The following STAG1 variants were observed in gnomAD, a reference collection of about 807,000 sequenced individuals.
The protein encoded by STAG1 is cohesin subunit SA-1.
A neutral mutation model predicts 170.9 loss-of-function variants in STAG1; 26 were observed. The observed-to-expected ratio is 0.15, with a 90% CI of 0.11 to 0.21. STAG1 has a LOEUF of 0.21. Ranked by LOEUF, STAG1 falls within the 10% of genes least tolerant of loss-of-function variation. The pLI is 1.00. For missense variants in STAG1, 964 were observed against 1,509.5 expected (o/e 0.64, Z 5.99); for synonymous variants, 514 against 497.7 (o/e 1.03, Z -0.44).
At chr3:136,562,471 G>A (rs1936885568) in intron 5 of STAG1, among the ~76,000 whole-genome samples, 1 of 146,186 alleles carries the variant, frequency 6.8e-6, no homozygotes, top group Admixed American at 6.9e-5. Flanking sequence ...ACATTGACCA[G>A]GCTGGTCTTG....
intron 1 of STAG1, among the ~76,000 whole-genome samples, chr3:136,740,165 C>T (rs555718517): frequency 2.0e-5 from 3 of 152,274 alleles, no homozygotes; most frequent in Admixed American, 6.5e-5. Context: ...GCACAAGAAT[C>T]GCTTGAGGCG....
At chr3:136,633,080 G>A (rs1940395449) in intron 1 of STAG1, among the ~76,000 whole-genome samples, 1 of 151,966 alleles carries the variant, frequency 6.6e-6, no homozygotes. Context: ...AATCAAACAG[G>A]GCATGGGGGA....
chr3:136,448,173 T>C (rs1438047424), intron 14 of STAG1, among the ~76,000 whole-genome samples: 2 of 152,216 alleles, frequency 1.3e-5, no homozygotes. Context: ...CTGATTCCAA[T>C]TCAACATTTT....
chr3:136,699,753 G>GA (rs1220676538), intron 1 of STAG1, among the ~76,000 whole-genome samples: 24 of 147,538 alleles, frequency 1.6e-4, no homozygotes, highest in African/African-American at 4.0e-4. Context: ...TATCCTTTCA[G>GA]AAAAAAAAAA....
intron 3 of STAG1, among the ~76,000 whole-genome samples, chr3:136,615,450 AAG>A (rs1939541143): frequency 6.7e-6 from 1 of 148,822 alleles, no homozygotes; most frequent in Non-Finnish European, 1.5e-5. Flanking sequence ...AAAAAAAAAA[AAG>A]GAGTGGGGGC....
intron 6 of STAG1, among the ~76,000 whole-genome samples, chr3:136,531,899 T>A (rs1935392084): frequency 7.4e-6 from 1 of 135,350 alleles, no homozygotes; most frequent in Non-Finnish European, 1.5e-5. Flanking sequence ...ACCCTAAAAC[T>A]TAAAGTATAA....
rs1450259429 is a variant in STAG1 at position 136,422,412 on chromosome 3, C to G, written c.2035G>C (p.Glu679Gln). 2 of 1,613,002 alleles carry G rather than the reference C, an allele frequency of 1.2e-6. No homozygotes were observed. The stretch of plus-strand genomic sequence containing the variant: ...TACACATTAACTTTAGAACAGACCT[C>G]TTGCAATAGGTCTTCCACAGAATGA... ...FNHSVEDLLQ[E>Q]GEEADDDDIY... The change falls in exon 19 of 34, where the codon GAG (glutamate) becomes CAG (glutamine). Residue 679 changes from glutamate to glutamine, a missense_variant and splice_region_variant. Physicochemically the swap from Glu to Gln is conservative, Grantham distance 29. Around this residue, in one of 11 missense-constraint regions of STAG1, gnomAD observed 232 missense variants for 313.0 expected, o/e 0.74. Coordinates refer to ENST00000383202, the MANE Select transcript of STAG1 (RefSeq NM_005862.3).
chr3:136,471,577 A>C (rs1301663127), intron 12 of STAG1, among the ~76,000 whole-genome samples: 2 of 152,216 alleles, frequency 1.3e-5, no homozygotes, highest in Non-Finnish European at 2.9e-5. Flanking sequence ...AGTTCGTGAT[A>C]GATGTACCAT....
At chr3:136,732,534 T>G (rs1038801080) in intron 1 of STAG1, among the ~76,000 whole-genome samples, 1 of 152,230 alleles carries the variant, frequency 6.6e-6, no homozygotes, top group Admixed American at 6.5e-5. Context: ...ATATGTTTAC[T>G]AAAAAGCAGA....
chr3:136,395,060 C>A (rs891287021), intron 22 of STAG1, among the ~76,000 whole-genome samples: 3 of 151,344 alleles, frequency 2.0e-5, no homozygotes, highest in Non-Finnish European at 2.9e-5. Context: ...CACAGTGAGC[C>A]GTGACAGTGG....
At chr3:136,480,595 G>GT (rs1269618634) in intron 9 of STAG1, among the ~76,000 whole-genome samples, 2 of 15,450 alleles carry the variant, frequency 1.3e-4, no homozygotes, top group Non-Finnish European at 2.7e-4. Flanking sequence ...CTTTAAAGTA[G>GT]TTTTTTCCAA....
chr3:136,466,823 G>C (rs2089476675), intron 12 of STAG1, among the ~76,000 whole-genome samples: 1 of 152,232 alleles, frequency 6.6e-6, no homozygotes. Context: ...AACTGAACAA[G>C]CCAGAAGAGA....
rs1662947276 is a variant in STAG1, at chr3:136,714,951, AT to A, written c.-84+37243del. 6.2e-5 allele frequency among the ~76,000 whole-genome samples: 5 copies of A among 80,284 alleles called. No homozygotes were observed. In the Admixed American group the frequency reaches 6.7e-4, roughly 11 times the overall value. 52.7% of individuals were successfully genotyped at this position (80,284 alleles called of 152,430 possible). A position where few individuals can be genotyped will look rare whatever the true frequency, so the allele number is the denominator to read the frequency against. On this transcript the variant is annotated intron_variant, in intron 1 of 33. Transcript: ENST00000383202. ...ATATATATATTAAATATATATATATATATATATATATATTTTATATATATAT... is the reference window on the plus strand; with the variant it reads ...ATATATATATTAAATATATATATATAATATATATATATTTTATATATATAT...
intron 7 of STAG1, among the ~76,000 whole-genome samples, chr3:136,518,889 G>A (rs987263641): frequency 6.6e-6 from 1 of 151,888 alleles, no homozygotes; most frequent in Admixed American, 6.6e-5. Flanking sequence ...GGTAGACCGT[G>A]GAAAAGAGAC....
intron 7 of STAG1, among the ~76,000 whole-genome samples, chr3:136,505,043 A>C (rs1464241518): frequency 6.6e-6 from 1 of 152,212 alleles, no homozygotes; most frequent in African/African-American, 2.4e-5. Flanking sequence ...AATAACACAT[A>C]AACAGCTATT....
intron 16 of STAG1, among the ~76,000 whole-genome samples, chr3:136,428,695 G>T (rs1461008633): frequency 3.3e-5 from 5 of 152,178 alleles, no homozygotes; most frequent in Non-Finnish European, 5.9e-5. Flanking sequence ...AATACCTGTT[G>T]GAGAAAACTG....
At chr3:136,439,424 A>ACACAC (rs2088566788) in intron 15 of STAG1, among the ~76,000 whole-genome samples, 1 of 144,008 alleles carries the variant, frequency 6.9e-6, no homozygotes, top group Admixed American at 6.9e-5. Context: ...ACACACACAC[A>ACACAC]CACACACACA....
At chr3:136,553,568 G>A (rs960348008) in intron 5 of STAG1, among the ~76,000 whole-genome samples, 5 of 152,226 alleles carry the variant, frequency 3.3e-5, no homozygotes, top group Non-Finnish European at 7.3e-5. Flanking sequence ...AAGGTCAAGA[G>A]ATCAAGACCA....
intron 1 of STAG1, among the ~76,000 whole-genome samples, chr3:136,715,093 C>T (rs1286097513): frequency 1.4e-5 from 2 of 143,914 alleles, no homozygotes; most frequent in African/African-American, 2.6e-5. Flanking sequence ...TACAAAGGGG[C>T]GCACAGTAAG....
Sources: allele counts gnomAD v4.1 joint callset (sites outside exome capture counted in the v4.1 genomes callset), GRCh38; gene constraint gnomAD v4.1.1; regional missense constraint gnomAD v4.1.1; transcripts MANE v1.5; gene names NCBI Gene and HGNC (gene_info 2026-07-23, HGNC 2026-07-21).